The following TTC9B variants were observed in gnomAD, a reference collection of about 807,000 sequenced individuals.
TTC9B encodes the protein tetratricopeptide repeat protein 9B.
A neutral mutation model predicts 19.4 loss-of-function variants in TTC9B; 12 were observed. That is an observed-to-expected ratio of 0.62 (90% CI 0.40 to 1.00). The LOEUF is 1.00. TTC9B is among the 50% of genes least tolerant of loss of function. The probability of loss-of-function intolerance (pLI) is 0.00; values close to 1 mark genes in which losing one functional copy is unlikely to be tolerated. For missense variants in TTC9B, 316 were observed against 345.2 expected (o/e 0.92, Z 0.67); for synonymous variants, 156 against 158.6 (o/e 0.98, Z 0.12).
At position 40,217,394 on chromosome 19, in the gene TTC9B, T is replaced by C. The variant is rs780051119; in HGVS notation, c.428-25A>G. On this transcript the variant is annotated intron_variant, in intron 1 of 2. Transcript: ENST00000311308. ...GCTGCGAGGGCCCCGCGGCCGGCAC[T>C]CTCAGAGCCTGCTGGCACCCCCAGA... The C allele has an allele frequency of 1.5e-5, 24 of 1,604,010 alleles. No individual in the cohort carries two copies. The African/African-American group carries it at 1.6e-4, about 11-fold the overall frequency.
rs1205932572 is a variant in TTC9B at position 40,218,154 on chromosome 19, A to G, written c.228T>C (p.Tyr76=). Residue 76 remains tyrosine (Y), a synonymous_variant, in exon 1 of 3, where the codon TAT becomes TAC. Coordinates refer to ENST00000311308, the MANE Select transcript of TTC9B (RefSeq NM_152479.6). This position sits in a 1 kb window ranked among gnomAD's most constrained non-coding sequence, Gnocchi z 4.2. ...TGGCCTCCCGGAACTTCTTCTCTCG[A>G]TAGCAGCGCTGGCCCTCTGCCTTGA... is the stretch of plus-strand genomic sequence containing the variant. ...VAFKAEGQRC[Y]REKKFREAIG... is the part of the protein sequence containing the mutation. 2.5e-6 allele frequency: 4 copies of G among 1,574,550 alleles called. No individual in the cohort carries two copies. The highest frequency in any genetic ancestry group is 1.8e-5 in the Admixed American group (1 of 54,676).
Position 40,218,061 on chromosome 19 carries a change from G to T in TTC9B, c.321C>A (p.Pro107=). 6.6e-7 allele frequency: 1 copy of T among 1,523,666 alleles called. No individual in the cohort carries two copies. Among genetic ancestry groups the T allele is most frequent in the Non-Finnish European group, 8.8e-7 (1 of 1,142,142 alleles). 94.4% of individuals were successfully genotyped at this position (1,523,666 alleles called of 1,614,324 possible). A position where few individuals can be genotyped will look rare whatever the true frequency, so the allele number is the denominator to read the frequency against. Residue 107 remains proline (P), a synonymous_variant, in exon 1 of 3, where the codon CCC becomes CCA. Transcript: ENST00000311308. The surrounding 1 kb of genome is among the most constrained non-coding windows in gnomAD (Gnocchi z 4.2). ...TGCTGGTGGGCCCGGGGGCGGGGGC[G>T]GGCAGGCCGCTAGGGCGGGCCCCCT... The part of the protein sequence containing the change: ...AAQGARPSGL[P]APAPGPTSSP...
intron 2 of TTC9B, chr19:40,216,755 A>C (rs1973373014): frequency 6.7e-6 from 2 of 298,204 alleles, no homozygotes; most frequent in South Asian, 9.5e-5. Context: ...GGCATCGTCC[A>C]CCCGAGTGGA....
At chr19:40,216,612 A>G (rs887584090) in intron 2 of TTC9B, 2 of 355,188 alleles carry the variant, frequency 5.6e-6, no homozygotes, top group African/African-American at 4.2e-5. Flanking sequence ...GGCTCCCACA[A>G]CCCTGCACCT....
Position 40,217,179 on chromosome 19 carries a change from C to G in TTC9B, c.610+8G>C, listed in dbSNP as rs753257986. 4.4e-6 allele frequency: 7 copies of G among 1,609,050 alleles called. No homozygotes were observed. Among genetic ancestry groups the G allele is most frequent in the Non-Finnish European group, 5.1e-6 (6 of 1,178,558 alleles). Reference sequence around the variant, plus strand: ...CAGCCCTCACCTCTGCCCCGCCCCGCCACTCACCTGTGGGTTCCCGGCTGC... The same window carrying G: ...CAGCCCTCACCTCTGCCCCGCCCCGGCACTCACCTGTGGGTTCCCGGCTGC... On this transcript the variant is annotated splice_region_variant and intron_variant, in intron 2 of 2. Transcript: ENST00000311308.
chr19:40,216,345 A>G, intron 2 of TTC9B, 73 bp from the exon 3 acceptor site: 3 of 1,141,192 alleles, frequency 2.6e-6, no homozygotes, highest in Non-Finnish European at 3.9e-6. Flanking sequence ...TCCCTGGCTC[A>G]CACCCCATTC....
chr19:40,216,063 A>C lies in TTC9B; in HGVS notation c.*100T>G. On this transcript the variant is annotated 3_prime_UTR_variant, in exon 3 of 3. Coordinates refer to ENST00000311308, the MANE Select transcript of TTC9B (RefSeq NM_152479.6). Reference sequence around the variant, plus strand: ...CCCCAAGAACACCACACAAGTTATGATCACCAGTGACAAGTGTTTTACCAA... The same window carrying C: ...CCCCAAGAACACCACACAAGTTATGCTCACCAGTGACAAGTGTTTTACCAA... 1 of 989,930 alleles carries C rather than the reference A, an allele frequency of 1.0e-6. No individual in the cohort carries two copies. The highest frequency in any genetic ancestry group is 1.6e-6 in the Non-Finnish European group (1 of 627,152). The allele number at this position is 989,930 out of a possible 1,614,324, so 61.3% of individuals were successfully genotyped here.
At chr19:40,217,882 GC>G in intron 1 of TTC9B, 72 bp downstream of exon 1, 1 of 1,329,130 alleles carries the variant, frequency 7.5e-7, no homozygotes. Context: ...AGGGCCCCTG[GC>G]CCCCAAGTCG....
In TTC9B at chr19:40,218,084, C is replaced by T. The variant is rs1973397157; in HGVS notation, c.298G>A (p.Gly100Arg). The change falls in exon 1 of 3, where the codon GGG (glycine) becomes AGG (arginine). Residue 100 changes from glycine to arginine, a missense_variant. By Grantham distance (125) the Gly-to-Arg change is moderately radical. Coordinates refer to ENST00000311308, the MANE Select transcript of TTC9B (RefSeq NM_152479.6). This position sits in a 1 kb window ranked among gnomAD's most constrained non-coding sequence, Gnocchi z 4.2. ...GCGGGCAGGCCGCTAGGGCGGGCCC[C>T]CTGCGCCGCCTTCAGCTGCAGCAGC... is the stretch of plus-strand genomic sequence containing the variant. ...RALLQLKAAQ[G>R]ARPSGLPAPA... 6.4e-7 allele frequency: 1 copy of T among 1,551,268 alleles called. No individual in the cohort carries two copies. Among genetic ancestry groups the T allele is most frequent in the Non-Finnish European group, 8.7e-7 (1 of 1,154,510 alleles).
rs1323708916 is a variant in TTC9B, at chr19:40,217,635, C to A, written c.428-266G>T. On this transcript the variant is annotated intron_variant, in intron 1 of 2. Transcript: ENST00000311308. Reference sequence around the variant, plus strand: ...TAAGGCCCCGCGCGGGGGCGAGGGCCGGGACCTCGAGAGCCTGGCTCAGGG... The same window carrying A: ...TAAGGCCCCGCGCGGGGGCGAGGGCAGGGACCTCGAGAGCCTGGCTCAGGG... 1.5e-5 allele frequency: 8 copies of A among 524,866 alleles called. No individual in the cohort carries two copies. The East Asian group carries it at 2.5e-4, about 17-fold the overall frequency. The allele number at this position is 524,866 out of a possible 1,614,324, so 32.5% of individuals were successfully genotyped here.
chr19:40,217,909 TGCCCCCTCCCCTCGTGCCCCA>T, intron 1 of TTC9B, 25 bp downstream of exon 1: 1 of 1,353,026 alleles, frequency 7.4e-7, no homozygotes, highest in African/African-American at 1.6e-5. Flanking sequence ...CTCTCCCGAT[TGCCCCCTCCCCTCGTGCCCCA>T]TCCCCCCACC....
chr19:40,217,018 G>T, intron 2 of TTC9B, 169 bp downstream of exon 2: 1 of 680,936 alleles, frequency 1.5e-6, no homozygotes, highest in Non-Finnish European at 2.4e-6. Flanking sequence ...TGGATGAATG[G>T]ATGAGTGGGC....
intron 1 of TTC9B, 122 bp downstream of exon 1, chr19:40,217,833 G>C: frequency 1.1e-6 from 1 of 888,830 alleles, no homozygotes; most frequent in Non-Finnish European, 1.6e-6. Flanking sequence ...AGCTCTGAAG[G>C]CTCCCCCAGA....
chr19:40,216,305 T>G lies in TTC9B; in HGVS notation c.611-33A>C, dbSNP rs754659722. 36 of 1,576,832 alleles carry G rather than the reference T, an allele frequency of 2.3e-5. No homozygotes were observed. In the East Asian group the frequency reaches 7.8e-4, roughly 34 times the overall value. ...GGAGGTGGGCAGGGCATCATCTGGG[T>G]GTCCCGGGGCAGCAGGTGACTTCCA... On this transcript the variant is annotated intron_variant, in intron 2 of 2. Transcript: ENST00000311308.
rs776864091 is a variant in TTC9B at position 40,217,178 on chromosome 19, G to T, written c.610+9C>A. The T allele has an allele frequency of 1.9e-6, 3 of 1,607,678 alleles. No individual in the cohort carries two copies. Among genetic ancestry groups the T allele is most frequent in the East Asian group, 4.5e-5 (2 of 44,800 alleles). On this transcript the variant is annotated intron_variant, in intron 2 of 2. Coordinates refer to ENST00000311308, the MANE Select transcript of TTC9B (RefSeq NM_152479.6). Reference sequence around the variant, plus strand: ...CCAGCCCTCACCTCTGCCCCGCCCCGCCACTCACCTGTGGGTTCCCGGCTG... The same window carrying T: ...CCAGCCCTCACCTCTGCCCCGCCCCTCCACTCACCTGTGGGTTCCCGGCTG...
At chr19:40,216,427 CG>C in intron 2 of TTC9B, 155 bp from the exon 3 acceptor site, 3 of 623,416 alleles carry the variant, frequency 4.8e-6, no homozygotes, top group Non-Finnish European at 8.7e-6. Flanking sequence ...CAGTCACAGT[CG>C]GCAGTCCCCA....
At chr19:40,216,393 A>G in intron 2 of TTC9B, 121 bp from the exon 3 acceptor site, 1 of 694,426 alleles carries the variant, frequency 1.4e-6, no homozygotes, top group Non-Finnish European at 2.5e-6. Context: ...CAGCCAGTAG[A>G]GCCAGAGCCC....
Position 40,218,228 on chromosome 19 carries a change from C to A in TTC9B, c.154G>T (p.Gly52Trp). 2 of 1,559,112 alleles carry A rather than the reference C, an allele frequency of 1.3e-6. No individual in the cohort carries two copies. Among genetic ancestry groups the A allele is most frequent in the East Asian group, 2.6e-5 (1 of 38,242 alleles). Residue 52 changes from glycine to tryptophan, a missense_variant, in exon 1 of 3, where the codon GGG (glycine) becomes TGG (tryptophan). Physicochemically the swap from Gly to Trp is radical, Grantham distance 184 (BLOSUM62 -2). Coordinates refer to ENST00000311308, the MANE Select transcript of TTC9B (RefSeq NM_152479.6). The surrounding 1 kb of genome is among the most constrained non-coding windows in gnomAD (Gnocchi z 4.2). ...CTGTCGAGCGCCGCGCCCAGGCTCC[C>A]CGACGGCTCTGGGGTAGGACCGGGA... ...ARPGPTPEPS[G>W]SLGAALDSSL... is the part of the protein sequence containing the mutation.
At position 40,218,308 on chromosome 19, in the gene TTC9B, G is replaced by T; in HGVS notation, c.74C>A (p.Ala25Asp). Residue 25 changes from alanine (A) to aspartate (D), a missense_variant, in exon 1 of 3, where the codon GCC becomes GAC. Transcript: ENST00000311308. The surrounding 1 kb of genome is among the most constrained non-coding windows in gnomAD (Gnocchi z 4.2). Reference protein sequence around the residue: ...APEPPPRPPPALSPPGSGPGS... With the variant: ...APEPPPRPPPDLSPPGSGPGS... ...TGGGCCCGAGCCCGGTGGGGAGAGGGCGGGAGGCGGGCGCGGCGGAGGCTC... is the reference window on the plus strand; with the variant it reads ...TGGGCCCGAGCCCGGTGGGGAGAGGTCGGGAGGCGGGCGCGGCGGAGGCTC... 1 of 1,377,214 alleles carries T rather than the reference G, an allele frequency of 7.3e-7. No homozygotes were observed. The highest frequency in any genetic ancestry group is 9.3e-7 in the Non-Finnish European group (1 of 1,074,212). 85.3% of individuals were successfully genotyped at this position (1,377,214 alleles called of 1,614,324 possible).
Sources: allele counts gnomAD v4.1 joint callset, GRCh38; gene constraint gnomAD v4.1.1; non-coding constraint Gnocchi (gnomAD v3.1); transcripts MANE v1.5; gene names NCBI Gene and HGNC (gene_info 2026-07-23, HGNC 2026-07-21).